The following PRKCI variants were observed in gnomAD, a reference collection of about 807,000 sequenced individuals.
PRKCI encodes the protein protein kinase C iota type.
Under a neutral mutation model 84.0 loss-of-function variants are expected in PRKCI, and 43 were observed. The ratio of observed to expected loss-of-function variants is 0.51; its 90% CI spans 0.40 to 0.66. The LOEUF is 0.66. Among genes scored for constraint, PRKCI ranks in the 30% least tolerant of loss-of-function variants. The pLI is 0.00. For synonymous variants in PRKCI, 216 were observed against 234.4 expected (o/e 0.92, Z 0.72); for missense variants, 459 against 745.6 (o/e 0.62, Z 4.48).
chr3:170,284,385 A>G, intron 11 of PRKCI, 76 bp from the exon 12 acceptor site: 2 of 1,260,262 alleles, frequency 1.6e-6, no homozygotes, highest in Admixed American at 2.5e-5. Flanking sequence ...TTTAATATGA[A>G]TTTTTGTGTT....
intron 14 of PRKCI, among the ~76,000 whole-genome samples, chr3:170,294,967 T>G (rs550167017): frequency 6.6e-6 from 1 of 152,256 alleles, no homozygotes; most frequent in African/African-American, 2.4e-5. Context: ...CCCAGCACTT[T>G]GGGAGGCCGA....
In PRKCI at chr3:170,297,354, T is replaced by C; in HGVS notation, c.1548T>C (p.Ile516=). The C allele has an allele frequency of 6.2e-7, 1 of 1,613,856 alleles. No individual in the cohort carries two copies. Among genetic ancestry groups the C allele is most frequent in the South Asian group, 1.1e-5 (1 of 91,020 alleles). Residue 516 remains isoleucine (I), a synonymous_variant, in exon 16 of 18, where the codon ATT becomes ATC. Coordinates refer to ENST00000295797, the MANE Select transcript of PRKCI (RefSeq NM_002740.6). ...GCHPQTGFAD[I]QGHPFFRNVD... ...ATCCTCAAACAGGATTTGCTGATAT[T>C]CAGGGACACCCGTTCTTCCGAAATG... is the stretch of plus-strand genomic sequence containing the variant.
chr3:170,260,596 G>GT (rs1270132289), intron 3 of PRKCI, among the ~76,000 whole-genome samples: 3 of 152,056 alleles, frequency 2.0e-5, no homozygotes, highest in African/African-American at 2.4e-5. Flanking sequence ...GGGATTACAG[G>GT]TGTGCACCAC....
chr3:170,249,382 C>CAG (rs199995227), intron 2 of PRKCI, among the ~76,000 whole-genome samples: 17 of 149,906 alleles, frequency 1.1e-4, no homozygotes, highest in East Asian at 5.8e-4. Flanking sequence ...TCATTTACGA[C>CAG]AGAGAGAGAG....
intron 1 of PRKCI, among the ~76,000 whole-genome samples, chr3:170,231,375 T>G (rs1055178893): frequency 6.6e-6 from 1 of 152,194 alleles, no homozygotes; most frequent in South Asian, 2.1e-4. Flanking sequence ...TACTAATAAT[T>G]TAACTGTCTT....
intron 4 of PRKCI, among the ~76,000 whole-genome samples, chr3:170,266,004 A>G (rs1276419265): frequency 6.6e-6 from 1 of 152,194 alleles, no homozygotes; most frequent in Non-Finnish European, 1.5e-5. Context: ...AATTTTAAAT[A>G]GTAAACCCAT....
rs568572827 is a variant in PRKCI at position 170,235,486 on chromosome 3, T to C, written c.223+135T>C. 4.1e-6 allele frequency: 4 copies of C among 978,022 alleles called. No homozygotes were observed. In the East Asian group the frequency reaches 1.1e-4, roughly 26 times the overall value. The allele number at this position is 978,022 out of a possible 1,614,324, so 60.6% of individuals were successfully genotyped here. The stretch of plus-strand genomic sequence containing the variant: ...AATTTGATGCCATTCTTGTTTTTTC[T>C]TTAAGTATTTAAAAGAATACTGAAG... On this transcript the variant is annotated intron_variant, in intron 2 of 17. Coordinates refer to ENST00000295797, the MANE Select transcript of PRKCI (RefSeq NM_002740.6).
In PRKCI at chr3:170,282,832, C is replaced by T. The variant is rs537050474; in HGVS notation, c.1067+864C>T. On this transcript the variant is annotated intron_variant, in intron 11 of 17. Transcript: ENST00000295797. Reference sequence around the variant, plus strand: ...ATAAAATAATATCGAATAGGCCAGGCGCAGTGGCTCATGCCTGTAATCCCA... The same window carrying T: ...ATAAAATAATATCGAATAGGCCAGGTGCAGTGGCTCATGCCTGTAATCCCA... 1.8e-4 allele frequency among the ~76,000 whole-genome samples: 28 copies of T among 151,906 alleles called. No homozygotes were observed. The South Asian group carries it at 1.9e-3, about 10-fold the overall frequency.
At chr3:170,292,125 G>A (rs1734567368) in intron 13 of PRKCI, among the ~76,000 whole-genome samples, 184 bp downstream of exon 13, 1 of 152,160 alleles carries the variant, frequency 6.6e-6, no homozygotes, top group South Asian at 2.1e-4. Context: ...GACCTTGGCA[G>A]TATTTGGGGG....
Position 170,270,437 on chromosome 3 carries a change from T to C in PRKCI, c.467T>C (p.Ile156Thr). 1 of 1,613,176 alleles carries C rather than the reference T, an allele frequency of 6.2e-7. No homozygotes were observed. The highest frequency in any genetic ancestry group is 8.5e-7 in the Non-Finnish European group (1 of 1,179,632). Residue 156 changes from isoleucine (I) to threonine (T), a missense_variant, in exon 6 of 18, where the codon ATC (isoleucine) becomes ACC (threonine). Ile to Thr is a moderately conservative substitution (Grantham distance 89). This residue lies in a region of PRKCI where 250 missense variants were observed against 319.7 expected (regional missense o/e 0.78). Coordinates refer to ENST00000295797, the MANE Select transcript of PRKCI (RefSeq NM_002740.6). The part of the protein sequence containing the change: ...KRFNRRAHCA[I>T]CTDRIWGLGR... ...TCTTTTCAGCGTGCTCACTGTGCCA[T>C]CTGCACAGACCGAATATGGGGACTT... is the stretch of plus-strand genomic sequence containing the variant.
rs1034453900 is a variant in PRKCI at position 170,295,854 on chromosome 3, A to G, written c.1418-57A>G. ...AACAAGCCCCTTTCAAAAAAGAAGA[A>G]AAAAGATTAAAGCCATGTAAAAGTT... On this transcript the variant is annotated intron_variant, in intron 14 of 17. Coordinates refer to ENST00000295797, the MANE Select transcript of PRKCI (RefSeq NM_002740.6). 6 of 1,084,624 alleles carry G rather than the reference A, an allele frequency of 5.5e-6. No individual in the cohort carries two copies. The African/African-American group carries it at 9.7e-5, about 18-fold the overall frequency. The allele number at this position is 1,084,624 out of a possible 1,614,324, so 67.2% of individuals were successfully genotyped here.
intron 2 of PRKCI, among the ~76,000 whole-genome samples, chr3:170,244,472 T>C (rs1684881): frequency 0.82 from 125,214 of 152,056 alleles, 51,660 homozygotes; most frequent in South Asian, 0.89. Flanking sequence ...GGAAGCTCTG[T>C]GTCCCCCCGT....
At chr3:170,247,684 C>T (rs1299792305) in intron 2 of PRKCI, among the ~76,000 whole-genome samples, 4 of 130,906 alleles carry the variant, frequency 3.1e-5, no homozygotes, top group Admixed American at 9.1e-5. Flanking sequence ...GAGCCAAGAT[C>T]GTGCCATTGC....
intron 3 of PRKCI, among the ~76,000 whole-genome samples, chr3:170,260,392 A>G (rs1413745212): frequency 6.6e-6 from 1 of 152,222 alleles, no homozygotes; most frequent in Non-Finnish European, 1.5e-5. Context: ...ATGTATACAA[A>G]TAATGACCTC....
chr3:170,303,946 A>C lies in PRKCI; in HGVS notation c.*819A>C, dbSNP rs1734890222. Reference sequence around the variant, plus strand: ...CAGGAGATGGAGTTGGCAGTGAGCCAAGATTAGCCTGGGCAACAGTGAGTG... The same window carrying C: ...CAGGAGATGGAGTTGGCAGTGAGCCCAGATTAGCCTGGGCAACAGTGAGTG... On this transcript the variant is annotated 3_prime_UTR_variant, in exon 18 of 18. Coordinates refer to ENST00000295797, the MANE Select transcript of PRKCI (RefSeq NM_002740.6). 1 of 166,442 alleles carries C rather than the reference A, an allele frequency of 6.0e-6. No homozygotes were observed. Among genetic ancestry groups the C allele is most frequent in the African/African-American group, 2.4e-5 (1 of 41,896 alleles). The allele number at this position is 166,442 out of a possible 1,614,324, so 10.3% of individuals were successfully genotyped here. A position where few individuals can be genotyped will look rare whatever the true frequency, so the allele number is the denominator to read the frequency against.
intron 3 of PRKCI, among the ~76,000 whole-genome samples, chr3:170,261,909 C>T (rs1733736918): frequency 6.6e-6 from 1 of 152,104 alleles, no homozygotes; most frequent in Admixed American, 6.6e-5. Flanking sequence ...AATAAAATTA[C>T]AATGAATGCA....
At chr3:170,293,339 A>T in intron 13 of PRKCI, 44 bp from the exon 14 acceptor site, 1 of 1,547,744 alleles carries the variant, frequency 6.5e-7, no homozygotes, top group Non-Finnish European at 8.7e-7. Context: ...AACTTTCAAG[A>T]ATGCAAAGTG....
rs1732512308 is a variant in PRKCI at position 170,222,525 on chromosome 3, T to TG, written c.-142dup. ...CCGGCTGCTCCGGCGAGGCGACCCTTGGGTCGGCGCTGCGGGCGAGGTGGG... is the reference window on the plus strand; with the variant it reads ...CCGGCTGCTCCGGCGAGGCGACCCTTGGGGTCGGCGCTGCGGGCGAGGTGGG... On this transcript the variant is annotated 5_prime_UTR_variant, in exon 1 of 18. Coordinates refer to ENST00000295797, the MANE Select transcript of PRKCI (RefSeq NM_002740.6). 4.5e-6 allele frequency: 3 copies of TG among 671,914 alleles called. No homozygotes were observed. The highest frequency in any genetic ancestry group is 6.8e-6 in the Non-Finnish European group (3 of 437,968). 41.6% of individuals were successfully genotyped at this position (671,914 alleles called of 1,614,324 possible).
chr3:170,281,547 T>C (rs568439024), intron 10 of PRKCI: 115 of 403,816 alleles, frequency 2.8e-4, no homozygotes, highest in Admixed American at 1.2e-3. Flanking sequence ...GTTTTATGAC[T>C]TAAAATTTTC....
Sources: gnomAD v4.1 joint callset for allele counts (sites outside exome capture counted in the v4.1 genomes callset) on GRCh38, gnomAD v4.1.1 for gene constraint, gnomAD v4.1.1 regional missense constraint, MANE v1.5 for transcripts, NCBI Gene and HGNC (gene_info 2026-07-23, HGNC 2026-07-21) for gene names.